PCDHGA12: variants seen among roughly 807,000 people sequenced by gnomAD.
PCDHGA12 encodes protocadherin gamma subfamily A, 12, also known as protocadherin gamma-A12.
In PCDHGA12, 43 loss-of-function variants were observed where a neutral mutation model predicts 61.1. The observed-to-expected ratio is 0.70, with a 90% CI of 0.55 to 0.91. The LOEUF (loss-of-function observed/expected upper bound fraction) is 0.91, where lower values mean the gene tolerates loss of function less well. Ranked by LOEUF, PCDHGA12 falls within the 40% of genes least tolerant of loss-of-function variation. The pLI, the probability that PCDHGA12 is intolerant of heterozygous loss-of-function variation, is 0.00. For synonymous variants in PCDHGA12, 520 were observed against 542.9 expected (o/e 0.96, Z 0.59); for missense variants, 1,236 against 1,227.7 (o/e 1.01, Z -0.10).
Position 141,489,316 on chromosome 5 carries a change from T to C in PCDHGA12, c.2425-5491T>C, listed in dbSNP as rs2099685399. On this transcript the variant is annotated intron_variant, in intron 1 of 3. Transcript: ENST00000252085. This position sits in a 1 kb window ranked among gnomAD's most constrained non-coding sequence, Gnocchi z 4.5. The stretch of plus-strand genomic sequence containing the variant: ...CATGTTGTCCTTGTGCTGCTGGGGC[T>C]GGGTGTCTGGGCAGCTTCGTTACTC... The C allele has an allele frequency of 1.3e-6, 2 of 1,597,946 alleles. No individual in the cohort carries two copies. Among genetic ancestry groups the C allele is most frequent in the Admixed American group, 1.7e-5 (1 of 58,864 alleles).
In PCDHGA12 at chr5:141,487,522, T is replaced by C. The variant is rs764726787; in HGVS notation, c.2425-7285T>C. 2 of 1,614,166 alleles carry C rather than the reference T, an allele frequency of 1.2e-6. No individual in the cohort carries two copies. The highest frequency in any genetic ancestry group is 1.7e-6 in the Non-Finnish European group (2 of 1,180,022). ...TGGCTTCTGCACCCACTCGGAGTGATAGCTTCATGATGGTGAAGTCACCCA... is the reference window on the plus strand; with the variant it reads ...TGGCTTCTGCACCCACTCGGAGTGACAGCTTCATGATGGTGAAGTCACCCA... On this transcript the variant is annotated intron_variant, in intron 1 of 3. Coordinates refer to ENST00000252085, the MANE Select transcript of PCDHGA12 (RefSeq NM_003735.3). This position sits in a 1 kb window ranked among gnomAD's most constrained non-coding sequence, Gnocchi z 5.0.
Position 141,511,035 on chromosome 5 carries a change from C to A in PCDHGA12, c.2661C>A (p.His887Gln). Residue 887 changes from histidine to glutamine, a missense_variant, in exon 4 of 4, where the codon CAC becomes CAA. Physicochemically the swap from His to Gln is conservative, Grantham distance 24 (BLOSUM62 0). Transcript: ENST00000252085. The stretch of plus-strand genomic sequence containing the variant: ...ACGGACCCCAGTTCACCCTGCAGCA[C>A]GTGCCCGACTACCGCCAGAATGTCT... ...ARYGPQFTLQ[H>Q]VPDYRQNVYI... 2 of 1,614,208 alleles carry A rather than the reference C, an allele frequency of 1.2e-6. No individual in the cohort carries two copies. The highest frequency in any genetic ancestry group is 1.1e-5 in the South Asian group (1 of 91,088).
chr5:141,511,443 C>A lies in PCDHGA12; in HGVS notation c.*270C>A. On this transcript the variant is annotated 3_prime_UTR_variant, in exon 4 of 4. Coordinates refer to ENST00000252085, the MANE Select transcript of PCDHGA12 (RefSeq NM_003735.3). ...GGGGTAGTGGGGTTACTGTAGACAC[C>A]AAGAACCATTTGCCACACCCCGTTT... 1 of 670,886 alleles carries A rather than the reference C, an allele frequency of 1.5e-6. No homozygotes were observed. Among genetic ancestry groups the A allele is most frequent in the Non-Finnish European group, 2.4e-6 (1 of 421,442 alleles). 41.6% of individuals were successfully genotyped at this position (670,886 alleles called of 1,614,324 possible).
Position 141,447,179 on chromosome 5 carries a change from G to A in PCDHGA12, c.2424+13996G>A, listed in dbSNP as rs558348683. ...GTTTAAGCGGGGTCTTGCTCTTGTC[G>A]CGCAGGCTGGAGTGCAATGGCTTGA... On this transcript the variant is annotated intron_variant, in intron 1 of 3. Transcript: ENST00000252085. 4.6e-4 allele frequency among the ~76,000 whole-genome samples: 70 copies of A among 151,826 alleles called. 1 individual carries two copies. The highest frequency in any genetic ancestry group is 3.9e-4 in the East Asian group (2 of 5,158).
chr5:141,443,136 C>T (rs910953831), intron 1 of PCDHGA12, among the ~76,000 whole-genome samples: 1 of 152,160 alleles, frequency 6.6e-6, no homozygotes, highest in African/African-American at 2.4e-5. Context: ...AGAACACTAT[C>T]ATAAGTTATA....
rs112808093 is a variant in PCDHGA12, at chr5:141,489,579, C to A, written c.2425-5228C>A. ...CAGTGCAGGTGGTGACTGAACACCC[C>A]CTGGAGCTAATCCGTGTAGAGGTAG... On this transcript the variant is annotated intron_variant, in intron 1 of 3. Coordinates refer to ENST00000252085, the MANE Select transcript of PCDHGA12 (RefSeq NM_003735.3). This position sits in a 1 kb window ranked among gnomAD's most constrained non-coding sequence, Gnocchi z 4.5. 1.2e-6 allele frequency: 2 copies of A among 1,613,922 alleles called. No individual in the cohort carries two copies. Among genetic ancestry groups the A allele is most frequent in the African/African-American group, 2.7e-5 (2 of 74,916 alleles).
At chr5:141,472,347 C>G (rs992566469) in intron 1 of PCDHGA12, among the ~76,000 whole-genome samples, 11 of 152,028 alleles carry the variant, frequency 7.2e-5, no homozygotes, top group Non-Finnish European at 1.2e-4. Context: ...CGAGACCATC[C>G]TGGCTAACAC....
At position 141,477,053 on chromosome 5, in the gene PCDHGA12, G is replaced by C; in HGVS notation, c.2425-17754G>C. ...GACAATCAAGGGTCGGCTGGACTTC[G>C]AGGACACCAAACTCCATGAGATTTA... On this transcript the variant is annotated intron_variant, in intron 1 of 3. Coordinates refer to ENST00000252085, the MANE Select transcript of PCDHGA12 (RefSeq NM_003735.3). This position sits in a 1 kb window ranked among gnomAD's most constrained non-coding sequence, Gnocchi z 4.9. The C allele has an allele frequency of 6.2e-7, 1 of 1,614,230 alleles. No homozygotes were observed. Among genetic ancestry groups the C allele is most frequent in the Non-Finnish European group, 8.5e-7 (1 of 1,180,032 alleles).
intron 3 of PCDHGA12, among the ~76,000 whole-genome samples, chr5:141,505,926 G>T (rs114056147): frequency 6.6e-6 from 1 of 152,146 alleles, no homozygotes; most frequent in African/African-American, 2.4e-5. Flanking sequence ...TGGGCCTGGC[G>T]CTTGGAAGCC....
intron 3 of PCDHGA12, chr5:141,507,274 C>T (rs1000866082): frequency 1.3e-5 from 2 of 151,532 alleles, no homozygotes; most frequent in Non-Finnish European, 2.9e-5. Context: ...ACTATTTCAG[C>T]ATAAGTCAGT....
intron 2 of PCDHGA12, among the ~76,000 whole-genome samples, chr5:141,499,112 A>G (rs550424495): frequency 6.6e-6 from 1 of 152,238 alleles, no homozygotes; most frequent in African/African-American, 2.4e-5. Context: ...CCCCACCACT[A>G]TCCCTTCTCA....
intron 1 of PCDHGA12, among the ~76,000 whole-genome samples, chr5:141,448,809 A>G (rs998129053): frequency 9.2e-5 from 14 of 151,812 alleles, no homozygotes; most frequent in Non-Finnish European, 1.8e-4. Flanking sequence ...GCCAGGCGTG[A>G]TGGCGGGCGC....
rs1216200329 is a variant in PCDHGA12, at chr5:141,491,485, C to G, written c.2425-3322C>G. ...CTTCTATAAGCAGTCCAGCCCCAAC[C>G]TGCAGGTGAGCTCGGACGGCACGCT... On this transcript the variant is annotated intron_variant, in intron 1 of 3. Coordinates refer to ENST00000252085, the MANE Select transcript of PCDHGA12 (RefSeq NM_003735.3). This position sits in a 1 kb window ranked among gnomAD's most constrained non-coding sequence, Gnocchi z 6.9. 6.2e-7 allele frequency: 1 copy of G among 1,614,148 alleles called. No individual in the cohort carries two copies. The highest frequency in any genetic ancestry group is 1.3e-5 in the African/African-American group (1 of 75,064).
chr5:141,483,501 G>T (rs1022338958), intron 1 of PCDHGA12, among the ~76,000 whole-genome samples: 1 of 150,394 alleles, frequency 6.6e-6, no homozygotes, highest in Non-Finnish European at 1.5e-5. Flanking sequence ...ATGAGTCAAG[G>T]CTGATCCCCC....
intron 1 of PCDHGA12, chr5:141,471,515 T>C (rs931181988): frequency 2.6e-5 from 4 of 152,276 alleles, no homozygotes; most frequent in African/African-American, 9.6e-5. Context: ...GGAGTAAAAA[T>C]AACAGCGAGG....
intron 1 of PCDHGA12, among the ~76,000 whole-genome samples, chr5:141,467,591 T>C (rs765816743): frequency 3.3e-5 from 5 of 152,360 alleles, no homozygotes; most frequent in South Asian, 4.1e-4. Flanking sequence ...ATGCCATTTA[T>C]TAAGCACTTC....
intron 1 of PCDHGA12, among the ~76,000 whole-genome samples, chr5:141,474,684 T>A (rs1302389621): frequency 6.6e-6 from 1 of 152,246 alleles, no homozygotes; most frequent in Non-Finnish European, 1.5e-5. Context: ...TGCCTACCCC[T>A]TCACTTATGT....
Position 141,491,402 on chromosome 5 carries a change from C to T in PCDHGA12, c.2425-3405C>T. 1 of 1,614,156 alleles carries T rather than the reference C, an allele frequency of 6.2e-7. No individual in the cohort carries two copies. Among genetic ancestry groups the T allele is most frequent in the Non-Finnish European group, 8.5e-7 (1 of 1,180,022 alleles). ...TCAGCGAAGTGCCTTCAGGGAAACG[C>T]AGACGGGGACGGGGGTGGAGGGCAG... On this transcript the variant is annotated intron_variant, in intron 1 of 3. Transcript: ENST00000252085. The surrounding 1 kb of genome is among the most constrained non-coding windows in gnomAD (Gnocchi z 6.9).
At chr5:141,464,418 T>C (rs1244881278) in intron 1 of PCDHGA12, among the ~76,000 whole-genome samples, 2 of 151,652 alleles carry the variant, frequency 1.3e-5, no homozygotes, top group Non-Finnish European at 2.9e-5. Flanking sequence ...TATATATCTA[T>C]ATATATAGAT....
Sources: allele counts gnomAD v4.1 joint callset (sites outside exome capture counted in the v4.1 genomes callset), GRCh38; gene constraint gnomAD v4.1.1; non-coding constraint Gnocchi (gnomAD v3.1); transcripts MANE v1.5; gene names NCBI Gene and HGNC (gene_info 2026-07-23, HGNC 2026-07-21).